The following ARSB variants were observed in gnomAD, a reference collection of about 807,000 sequenced individuals.
ARSB encodes arylsulfatase B.
ARSB carries 41 observed loss-of-function variants against 50.9 expected under a neutral mutation model. That is an observed-to-expected ratio of 0.81 (90% confidence interval 0.63 to 1.04). The LOEUF is 1.04. Among genes scored for constraint, ARSB ranks in the 50% least tolerant of loss-of-function variants. The pLI, the probability that ARSB is intolerant of heterozygous loss-of-function variation, is 0.00. For synonymous variants in ARSB, 269 were observed against 284.8 expected (o/e 0.94, Z 0.56); for missense variants, 672 against 693.3 (o/e 0.97, Z 0.35).
chr5:78,956,514 T>C (rs1337449039), intron 3 of ARSB, among the ~76,000 whole-genome samples: 3 of 152,190 alleles, frequency 2.0e-5, no homozygotes, highest in Admixed American at 1.3e-4. Context: ...TTTTATGATA[T>C]GTAAATTTTG....
intron 4 of ARSB, among the ~76,000 whole-genome samples, chr5:78,949,211 A>T (rs1751389372): frequency 6.6e-6 from 1 of 152,234 alleles, no homozygotes; most frequent in African/African-American, 2.4e-5. Context: ...AGAAATTTTT[A>T]AAAGTTAGCT....
chr5:78,906,081 A>G (rs1475151346), intron 4 of ARSB, among the ~76,000 whole-genome samples: 1 of 151,954 alleles, frequency 6.6e-6, no homozygotes, highest in Non-Finnish European at 1.5e-5. Flanking sequence ...AAGAAAAGGG[A>G]AAGAAAAAGA....
intron 5 of ARSB, among the ~76,000 whole-genome samples, chr5:78,871,904 C>T (rs1268867218): frequency 2.6e-4 from 39 of 147,840 alleles, no homozygotes; most frequent in Middle Eastern, 3.4e-3. Context: ...AGAAAATTTT[C>T]GCAACCTACT....
chr5:78,819,223 T>C (rs564367518), intron 6 of ARSB, among the ~76,000 whole-genome samples: 2 of 151,170 alleles, frequency 1.3e-5, no homozygotes, highest in African/African-American at 4.9e-5. Flanking sequence ...CATGAGGAGG[T>C]TGAAAGAAAG....
intron 6 of ARSB, among the ~76,000 whole-genome samples, chr5:78,834,619 A>G (rs1003926225): frequency 5.9e-4 from 74 of 125,420 alleles, no homozygotes; most frequent in African/African-American, 1.7e-3. Flanking sequence ...ATATATATAT[A>G]TATATATATA....
At chr5:78,920,549 T>C (rs1029390797) in intron 4 of ARSB, among the ~76,000 whole-genome samples, 1 of 152,138 alleles carries the variant, frequency 6.6e-6, no homozygotes, top group African/African-American at 2.4e-5. Context: ...TCTACCCTGC[T>C]AGCCACAGGC....
At chr5:78,916,377 T>C (rs1344254780) in intron 4 of ARSB, among the ~76,000 whole-genome samples, 2 of 152,192 alleles carry the variant, frequency 1.3e-5, no homozygotes, top group African/African-American at 4.8e-5. Flanking sequence ...AAACTGTCTT[T>C]AGTTTAAAGA....
At chr5:78,816,061 A>G in intron 6 of ARSB, 1 of 1,614,126 alleles carries the variant, frequency 6.2e-7, no homozygotes, top group East Asian at 2.2e-5. Context: ...CTGGGTTATC[A>G]TCTTCAGTAG....
intron 5 of ARSB, among the ~76,000 whole-genome samples, chr5:78,882,624 T>C (rs562335574): frequency 6.6e-6 from 1 of 152,198 alleles, no homozygotes; most frequent in African/African-American, 2.4e-5. Context: ...ACTGAAATAG[T>C]GTTTGCAGTA....
At chr5:78,923,206 G>A (rs1163874722) in intron 4 of ARSB, among the ~76,000 whole-genome samples, 2 of 152,164 alleles carry the variant, frequency 1.3e-5, no homozygotes, top group African/African-American at 4.8e-5. Context: ...CATCTCACTG[G>A]GACCCTTTGA....
Position 78,839,304 on chromosome 5 carries a change from C to T in ARSB, c.1213+52G>A, listed in dbSNP as rs567686950. The stretch of plus-strand genomic sequence containing the variant: ...CTAGAGACACACTAGGTAATCAAAC[C>T]ATCTTGGTGGGCCAATTAGATTTAA... On this transcript the variant is annotated intron_variant, in intron 6 of 7. Transcript: ENST00000264914. 2.0e-5 allele frequency: 31 copies of T among 1,551,258 alleles called. No homozygotes were observed. The South Asian group carries it at 3.2e-4, about 16-fold the overall frequency.
chr5:78,970,768 A>G (rs550041041), intron 1 of ARSB, among the ~76,000 whole-genome samples: 2 of 152,304 alleles, frequency 1.3e-5, no homozygotes, highest in Admixed American at 1.3e-4. Context: ...AGCCTGGGCA[A>G]CATGCCATGA....
intron 4 of ARSB, among the ~76,000 whole-genome samples, chr5:78,896,028 A>G (rs73769406): frequency 0.037 from 5,695 of 152,254 alleles, 354 homozygotes; most frequent in African/African-American, 0.13. Flanking sequence ...AGAGGATAGC[A>G]AGACTCCCTG....
intron 4 of ARSB, among the ~76,000 whole-genome samples, chr5:78,939,235 T>A (rs959557678): frequency 1.3e-5 from 2 of 151,892 alleles, no homozygotes; most frequent in African/African-American, 4.8e-5. Context: ...GCTTTCCTAG[T>A]AAAAAGAGCT....
intron 4 of ARSB, among the ~76,000 whole-genome samples, chr5:78,921,876 G>A (rs552525179): frequency 9.2e-5 from 14 of 152,242 alleles, no homozygotes; most frequent in East Asian, 1.9e-4. Flanking sequence ...TAGCAGCTGC[G>A]TGGCACAGAG....
intron 4 of ARSB, among the ~76,000 whole-genome samples, chr5:78,937,151 G>C (rs1481432181): frequency 6.6e-6 from 1 of 151,550 alleles, no homozygotes; most frequent in Non-Finnish European, 1.5e-5. Context: ...TCTTAAATGT[G>C]ACCTTCAAAA....
chr5:78,835,887 G>C (rs1019031204), intron 6 of ARSB, among the ~76,000 whole-genome samples: 3 of 152,160 alleles, frequency 2.0e-5, no homozygotes, highest in Non-Finnish European at 2.9e-5. Flanking sequence ...CCCGCAGTAA[G>C]CACCAACGAT....
chr5:78,797,658 C>T (rs978317431), intron 6 of ARSB, among the ~76,000 whole-genome samples: 7 of 152,184 alleles, frequency 4.6e-5, no homozygotes, highest in East Asian at 1.9e-4. Flanking sequence ...CTGCTGCCCC[C>T]GTGAGCCATC....
chr5:78,964,617 G>A lies in ARSB; in HGVS notation c.500-11C>T. 6.2e-7 allele frequency: 1 copy of A among 1,611,564 alleles called. No homozygotes were observed. The highest frequency in any genetic ancestry group is 1.7e-5 in the Admixed American group (1 of 60,018). ...TACCCAGGAGATATCCTGCAAGAAT[G>A]GAAGACGAAAATAGTCAGCATAGCA... is the stretch of plus-strand genomic sequence containing the variant. On this transcript the variant is annotated splice_polypyrimidine_tract_variant and intron_variant, in intron 2 of 7. Coordinates refer to ENST00000264914, the MANE Select transcript of ARSB (RefSeq NM_000046.5).
Sources: allele counts gnomAD v4.1 joint callset (sites outside exome capture counted in the v4.1 genomes callset), GRCh38; gene constraint gnomAD v4.1.1; transcripts MANE v1.5; gene names NCBI Gene and HGNC (gene_info 2026-07-23, HGNC 2026-07-21).